Variants in ABCB1 observed in about 807,000 individuals in gnomAD.
ABCB1 encodes ATP binding cassette subfamily B member 1, also known as ATP-dependent translocase ABCB1.
A neutral mutation model predicts 142.0 loss-of-function variants in ABCB1; 69 were observed. The observed-to-expected ratio is 0.49, with a 90% CI of 0.40 to 0.59. The LOEUF (loss-of-function observed/expected upper bound fraction) is 0.59, where lower values mean the gene tolerates loss of function less well. Ranked by LOEUF, ABCB1 falls within the 20% of genes least tolerant of loss-of-function variation. ABCB1 has a pLI of 0.00. For synonymous variants in ABCB1, 532 were observed against 539.2 expected (o/e 0.99, Z 0.18); for missense variants, 1,326 against 1,554.7 (o/e 0.85, Z 2.47).
chr7:87,515,105 G>A, intron 25 of ABCB1, 126 bp downstream of exon 25: 1 of 1,267,172 alleles, frequency 7.9e-7, no homozygotes, highest in Non-Finnish European at 1.1e-6. Context: ...TAGGCTCTCA[G>A]ACTTTATCCA....
At chr7:87,636,077 ATT>A (rs1291967914) in intron 1 of ABCB1, among the ~76,000 whole-genome samples, 2 of 152,032 alleles carry the variant, frequency 1.3e-5, no homozygotes, top group Non-Finnish European at 2.9e-5. Context: ...TGATATGTAC[ATT>A]TTTCTGTCTG....
intron 1 of ABCB1, among the ~76,000 whole-genome samples, chr7:87,656,580 G>A (rs967565967): frequency 1.3e-5 from 2 of 151,952 alleles, no homozygotes; most frequent in African/African-American, 4.8e-5. Context: ...AAGATAAAGG[G>A]GGAGGAGGAA....
intron 1 of ABCB1, among the ~76,000 whole-genome samples, chr7:87,643,816 C>A (rs572734596): frequency 4.1e-4 from 62 of 152,184 alleles, no homozygotes; most frequent in African/African-American, 1.4e-3. Flanking sequence ...CGTGAGCCAC[C>A]ACGCCCGGCC....
intron 7 of ABCB1, among the ~76,000 whole-genome samples, chr7:87,565,752 T>G (rs924187603): frequency 2.8e-5 from 4 of 143,050 alleles, no homozygotes; most frequent in African/African-American, 1.0e-4. Context: ...GGAGTTCAAG[T>G]TTTTTTTTTT....
intron 1 of ABCB1, among the ~76,000 whole-genome samples, chr7:87,618,562 C>T (rs28381774): frequency 0.054 from 8,223 of 152,224 alleles, 345 homozygotes; most frequent in East Asian, 0.14. Context: ...TAATATACAT[C>T]TCTGTAGAGA....
At chr7:87,693,951 T>TC (rs761238094) in intron 1 of ABCB1, 1 of 1,611,692 alleles carries the variant, frequency 6.2e-7, no homozygotes, top group Admixed American at 1.7e-5. Context: ...TCCAAATACC[T>TC]CTTCAAGGTA....
intron 1 of ABCB1, among the ~76,000 whole-genome samples, chr7:87,667,978 A>G (rs1355061039): frequency 6.6e-6 from 1 of 152,026 alleles, no homozygotes; most frequent in Non-Finnish European, 1.5e-5. Flanking sequence ...AGGTTTGGGT[A>G]TTAAGATGAT....
chr7:87,655,360 G>T (rs763616026), intron 1 of ABCB1, among the ~76,000 whole-genome samples: 15 of 152,104 alleles, frequency 9.9e-5, no homozygotes, highest in Admixed American at 2.6e-4. Context: ...AAAAAGTTGC[G>T]TATATAAACA....
intron 1 of ABCB1, among the ~76,000 whole-genome samples, chr7:87,633,402 C>G (rs1384041646): frequency 6.6e-6 from 1 of 152,146 alleles, no homozygotes; most frequent in Non-Finnish European, 1.5e-5. Context: ...TCTGAATCTG[C>G]CTCTATGAAT....
At chr7:87,671,467 G>C (rs1825817484) in intron 1 of ABCB1, among the ~76,000 whole-genome samples, 1 of 152,080 alleles carries the variant, frequency 6.6e-6, no homozygotes, top group Admixed American at 6.6e-5. Flanking sequence ...TTAACACTCT[G>C]GCCAATTTTC....
intron 1 of ABCB1, among the ~76,000 whole-genome samples, chr7:87,680,735 C>G (rs1386505571): frequency 6.7e-6 from 1 of 149,812 alleles, no homozygotes; most frequent in East Asian, 2.0e-4. Flanking sequence ...GCGGAGGGTG[C>G]AGTGAGCCAA....
At chr7:87,558,383 G>C (rs1817398175) in intron 8 of ABCB1, among the ~76,000 whole-genome samples, 1 of 152,142 alleles carries the variant, frequency 6.6e-6, no homozygotes. Context: ...TCTGAATAAT[G>C]ATAGGTACCC....
At chr7:87,528,002 G>T (rs1006947819) in intron 21 of ABCB1, among the ~76,000 whole-genome samples, 1 of 152,144 alleles carries the variant, frequency 6.6e-6, no homozygotes, top group Admixed American at 6.5e-5. Context: ...AGAGCAGAGG[G>T]ACATCTCACA....
intron 24 of ABCB1, among the ~76,000 whole-genome samples, chr7:87,515,887 G>A (rs1815223757): frequency 6.6e-6 from 1 of 152,134 alleles, no homozygotes; most frequent in Non-Finnish European, 1.5e-5. Flanking sequence ...ATGAGCCACT[G>A]TGCTTGACCT....
intron 8 of ABCB1, 55 bp downstream of exon 8, chr7:87,561,208 G>A: frequency 6.3e-7 from 1 of 1,599,252 alleles, no homozygotes; most frequent in Non-Finnish European, 8.6e-7. Flanking sequence ...AATCTGAAGG[G>A]CATTTGAGAA....
chr7:87,544,319 A>T (rs752556859), intron 16 of ABCB1, 44 bp from the exon 17 acceptor site: 1 of 1,593,024 alleles, frequency 6.3e-7, no homozygotes, highest in Admixed American at 1.7e-5. Flanking sequence ...AAAAACTTTT[A>T]TATGTACAAT....
intron 26 of ABCB1, 133 bp from the exon 27 acceptor site, chr7:87,506,176 T>C: frequency 1.1e-6 from 1 of 896,150 alleles, no homozygotes; most frequent in East Asian, 2.6e-5. Context: ...GGTTCATGAA[T>C]AATTAAGGAA....
At position 87,504,208 on chromosome 7, in the gene ABCB1, A is replaced by G. The variant is rs1288238476; in HGVS notation, c.*35T>C. The G allele has an allele frequency of 3.7e-6, 6 of 1,612,092 alleles. No individual in the cohort carries two copies. In the South Asian group the frequency reaches 6.6e-5, roughly 18 times the overall value. On this transcript the variant is annotated 3_prime_UTR_variant, in exon 28 of 28. Transcript: ENST00000622132. ...GAATAAATGTCATATCTAAACAAAT[A>G]TTAAAAAGTATTTAACATCTCATAC...
chr7:87,520,204 A>G (rs546201120), intron 22 of ABCB1, among the ~76,000 whole-genome samples: 1 of 151,006 alleles, frequency 6.6e-6, no homozygotes, highest in African/African-American at 2.4e-5. Flanking sequence ...TTAGACAAAA[A>G]GGCTCTACCA....
Sources: allele counts gnomAD v4.1 joint callset (sites outside exome capture counted in the v4.1 genomes callset), GRCh38; gene constraint gnomAD v4.1.1; transcripts MANE v1.5; gene names NCBI Gene and HGNC (gene_info 2026-07-23, HGNC 2026-07-21).